CSMD1: variants seen among roughly 807,000 people sequenced by gnomAD.
CSMD1 encodes CUB and Sushi multiple domains 1, also known as CUB and sushi domain-containing protein 1.
In CSMD1, 213 loss-of-function variants were observed where a neutral mutation model predicts 417.5. The ratio of observed to expected loss-of-function variants is 0.51; its 90% CI spans 0.46 to 0.57. The LOEUF (loss-of-function observed/expected upper bound fraction) is 0.57. Ranked by LOEUF, CSMD1 falls within the 20% of genes least tolerant of loss-of-function variation. The probability of loss-of-function intolerance (pLI) is 0.00; values close to 1 mark genes in which losing one functional copy is unlikely to be tolerated. For synonymous variants in CSMD1, 2,862 were observed against 1,736.8 expected, an observed-to-expected ratio of 1.65 and a Z score of -16.11; for missense variants, 6,923 against 4,529.7, an observed-to-expected ratio of 1.53 and a Z score of -15.17.
rs1798443669 is a variant in CSMD1, at chr8:3,769,144, A to C, written c.819-15102T>G. ...GTTACTATACAGTTAAATTGATTAA[A>C]AGATGAAAACTTACAATTTCCCCTT... is the stretch of plus-strand genomic sequence containing the variant. On this transcript the variant is annotated intron_variant, in intron 5 of 69. Coordinates refer to ENST00000635120, the MANE Select transcript of CSMD1 (RefSeq NM_033225.6). 1.3e-5 allele frequency among the ~76,000 whole-genome samples: 2 copies of C among 152,208 alleles called. 1 individual carries two copies. Among genetic ancestry groups the C allele is most frequent in the South Asian group, 4.1e-4 (2 of 4,832 alleles).
At chr8:4,740,518 G>C (rs1217729058) in intron 1 of CSMD1, among the ~76,000 whole-genome samples, 2 of 152,142 alleles carry the variant, frequency 1.3e-5, no homozygotes, top group Admixed American at 6.5e-5. Flanking sequence ...TTTTCTTTCT[G>C]TCTTCAAATA....
intron 3 of CSMD1, among the ~76,000 whole-genome samples, chr8:4,124,185 G>A (rs777056846): frequency 9.2e-5 from 14 of 152,112 alleles, no homozygotes; most frequent in Non-Finnish European, 1.3e-4. Flanking sequence ...GGAAGTGGGG[G>A]TGGGCAGTAC....
At chr8:3,165,969 G>A (rs1249017005) in intron 37 of CSMD1, among the ~76,000 whole-genome samples, 1 of 152,026 alleles carries the variant, frequency 6.6e-6, no homozygotes, top group Non-Finnish European at 1.5e-5. Flanking sequence ...CTGACCTTTA[G>A]GGGACAGAAG....
At position 4,701,439 on chromosome 8, in the gene CSMD1, G is replaced by C. The variant is rs537154072; in HGVS notation, c.86-63881C>G. Among the ~76,000 whole-genome samples the C allele has an allele frequency of 1.4e-4, 21 of 151,954 alleles. No homozygotes were observed. The South Asian group carries it at 4.2e-3, about 30-fold the overall frequency. ...CCTGTGCCTGAACCACAGCTGGAGA[G>C]TCTGATGGGGAGGGGCCATGCACAG... is the stretch of plus-strand genomic sequence containing the variant. On this transcript the variant is annotated intron_variant, in intron 1 of 69. Transcript: ENST00000635120.
At chr8:3,382,535 A>ATATATATAAATTTATATAAATATT (rs1810701710) in intron 18 of CSMD1, among the ~76,000 whole-genome samples, 1 of 119,866 alleles carries the variant, frequency 8.3e-6, no homozygotes, top group Non-Finnish European at 1.7e-5. Context: ...ATATAAATAT[A>ATATATATAAATTTATATAAATATT]TATTTATTAT....
chr8:4,916,974 C>A (rs1348383382), intron 1 of CSMD1, among the ~76,000 whole-genome samples: 1 of 152,154 alleles, frequency 6.6e-6, no homozygotes, highest in Non-Finnish European at 1.5e-5. Flanking sequence ...GTACAGGGTT[C>A]AGTAGGTGTA....
At chr8:4,776,170 A>G (rs1253749013) in intron 1 of CSMD1, among the ~76,000 whole-genome samples, 2 of 152,144 alleles carry the variant, frequency 1.3e-5, no homozygotes, top group Non-Finnish European at 2.9e-5. Context: ...GGCGACCCAC[A>G]TTAGTTTAGA....
intron 3 of CSMD1, among the ~76,000 whole-genome samples, chr8:4,401,680 G>A (rs973621978): frequency 2.0e-5 from 3 of 152,058 alleles, no homozygotes; most frequent in South Asian, 2.1e-4. Context: ...CCCAAATACC[G>A]GAAAAACTCA....
chr8:4,200,717 C>G (rs1443808456), intron 3 of CSMD1, among the ~76,000 whole-genome samples: 3 of 152,198 alleles, frequency 2.0e-5, no homozygotes, highest in South Asian at 4.1e-4. Context: ...AAAAAACTAG[C>G]CAGACATGGT....
At chr8:4,941,797 C>T (rs529882674) in intron 1 of CSMD1, among the ~76,000 whole-genome samples, 1 of 152,180 alleles carries the variant, frequency 6.6e-6, no homozygotes, top group Non-Finnish European at 1.5e-5. Context: ...CAGGGTCTCC[C>T]CATGTTGCCC....
chr8:3,628,568 C>T (rs76517239), intron 7 of CSMD1, among the ~76,000 whole-genome samples: 1,949 of 152,276 alleles, frequency 0.013, 25 homozygotes, highest in African/African-American at 0.031. Flanking sequence ...CACTGGGCCA[C>T]GGCAGCCACT....
chr8:3,776,819 T>TAC (rs1798916373), intron 5 of CSMD1, among the ~76,000 whole-genome samples: 2 of 151,166 alleles, frequency 1.3e-5, no homozygotes, highest in African/African-American at 4.9e-5. Context: ...TATATATATA[T>TAC]ATATACAGAT....
chr8:4,289,517 G>T (rs1295928552), intron 3 of CSMD1, among the ~76,000 whole-genome samples: 1 of 152,124 alleles, frequency 6.6e-6, no homozygotes. Flanking sequence ...CTGTCAGTAT[G>T]AGCAAGATGT....
chr8:4,709,596 G>A (rs1411916579), intron 1 of CSMD1, among the ~76,000 whole-genome samples: 1 of 152,182 alleles, frequency 6.6e-6, no homozygotes, highest in Non-Finnish European at 1.5e-5. Flanking sequence ...TGCAGAAGCT[G>A]TCCAAAGGCA....
chr8:4,390,898 C>A (rs555610301), intron 3 of CSMD1, among the ~76,000 whole-genome samples: 9 of 152,202 alleles, frequency 5.9e-5, no homozygotes, highest in Admixed American at 3.9e-4. Flanking sequence ...CTTAGTCCCC[C>A]AAAATGTAGA....
At position 4,447,736 on chromosome 8, in the gene CSMD1, A is replaced by T. The variant is rs1332198963; in HGVS notation, c.303-27671T>A. On this transcript the variant is annotated intron_variant, in intron 2 of 69. Transcript: ENST00000635120. ...AATAAAACCAAAATTAAGTCTCCAA[A>T]TTAAGATTTAAGACTCTTTTGCAGT... 1.3e-5 allele frequency among the ~76,000 whole-genome samples: 2 copies of T among 152,218 alleles called. 1 individual carries two copies. Among genetic ancestry groups the T allele is most frequent in the Admixed American group, 1.3e-4 (2 of 15,290 alleles).
chr8:3,947,871 C>A lies in CSMD1; in HGVS notation c.818+50032G>T, dbSNP rs1811341479. 2.0e-5 allele frequency among the ~76,000 whole-genome samples: 3 copies of A among 152,114 alleles called. No individual in the cohort carries two copies. The South Asian group carries it at 6.2e-4, about 32-fold the overall frequency. Reference sequence around the variant, plus strand: ...AACAAAACCTCCACAGCCTTTTCAACTTATGTCTACCTGTTCTATTAGTTA... The same window carrying A: ...AACAAAACCTCCACAGCCTTTTCAAATTATGTCTACCTGTTCTATTAGTTA... On this transcript the variant is annotated intron_variant, in intron 5 of 69. Coordinates refer to ENST00000635120, the MANE Select transcript of CSMD1 (RefSeq NM_033225.6).
At chr8:3,296,845 T>A (rs1341840627) in intron 25 of CSMD1, among the ~76,000 whole-genome samples, 2 of 152,186 alleles carry the variant, frequency 1.3e-5, no homozygotes, top group Non-Finnish European at 2.9e-5. Context: ...AGTTTCTGTC[T>A]TGGACCTGTT....
At chr8:4,644,679 A>C (rs891048613) in intron 1 of CSMD1, among the ~76,000 whole-genome samples, 1 of 152,216 alleles carries the variant, frequency 6.6e-6, no homozygotes, top group Non-Finnish European at 1.5e-5. Flanking sequence ...AAAGTACTGG[A>C]ATTACAGGTG....
Sources: gnomAD v4.1 joint callset for allele counts (sites outside exome capture counted in the v4.1 genomes callset) on GRCh38, gnomAD v4.1.1 for gene constraint, MANE v1.5 for transcripts, NCBI Gene and HGNC (gene_info 2026-07-23, HGNC 2026-07-21) for gene names.